Variants in ANK2 observed in about 807,000 individuals in gnomAD.
The protein encoded by ANK2 is ankyrin 2.
A neutral mutation model predicts 360.5 loss-of-function variants in ANK2; 83 were observed. The ratio of observed to expected loss-of-function variants is 0.23; its 90% CI spans 0.19 to 0.28. The LOEUF (loss-of-function observed/expected upper bound fraction) is 0.28, where lower values mean the gene tolerates loss of function less well. Ranked by LOEUF, ANK2 falls within the 10% of genes least tolerant of loss-of-function variation. ANK2 has a pLI of 1.00. For synonymous variants in ANK2, 1,740 were observed against 1,759.5 expected (o/e 0.99, Z 0.28); for missense variants, 4,201 against 4,795.7 (o/e 0.88, Z 3.66).
intron 17 of ANK2, among the ~76,000 whole-genome samples, 162 bp downstream of exon 17, chr4:113,278,720 G>T (rs2061174109): frequency 6.6e-6 from 1 of 152,122 alleles, no homozygotes; most frequent in African/African-American, 2.4e-5. Context: ...ATTTCTGCCA[G>T]TTGCGTCTTG....
At chr4:113,333,516 G>A (rs560245814) in intron 29 of ANK2, among the ~76,000 whole-genome samples, 9 of 152,132 alleles carry the variant, frequency 5.9e-5, no homozygotes, top group South Asian at 2.1e-4. Flanking sequence ...TTTTTGAGCC[G>A]AAAATGAGAT....
intron 2 of ANK2, among the ~76,000 whole-genome samples, chr4:112,934,299 G>A (rs1461057959): frequency 6.6e-6 from 1 of 152,200 alleles, no homozygotes; most frequent in African/African-American, 2.4e-5. Flanking sequence ...GCAGAGCCGT[G>A]CTAAGGTGTT....
chr4:113,138,081 G>T (rs1433426480), intron 1 of ANK2, among the ~76,000 whole-genome samples: 1 of 151,990 alleles, frequency 6.6e-6, no homozygotes, highest in Non-Finnish European at 1.5e-5. Context: ...CATATTCAGG[G>T]TATTTATTTC....
In ANK2 at chr4:112,833,605, G is replaced by A. The variant is rs571127999; in HGVS notation, c.-40+15341G>A. Among the ~76,000 whole-genome samples, 7 of 151,632 alleles carry A rather than the reference G, an allele frequency of 4.6e-5. No homozygotes were observed. The South Asian group carries it at 1.5e-3, about 32-fold the overall frequency. ...TGCAAGCTCCGCCTCCCGGGTTCAC[G>A]CCATTCTCCTTGCTCAGCCTCCCCA... On this transcript the variant is annotated intron_variant, in intron 1 of 30. Coordinates refer to the ANK2 transcript ENST00000503271.
rs34948422 is a variant in ANK2, at chr4:113,021,539, A to ACACACACACACACAC, written c.21+117025_21+117026insCACACACACACACAC. On this transcript the variant is annotated intron_variant, in intron 2 of 30. Transcript: ENST00000503271. Reference sequence around the variant, plus strand: ...ATATACACACACACACCCACACACAAACATATATATATATATATATATATA... The same window carrying ACACACACACACACAC: ...ATATACACACACACACCCACACACAACACACACACACACACACATATATATATATATATATATATA... Among the ~76,000 whole-genome samples, 88 of 108,684 alleles carry ACACACACACACACAC rather than the reference A, an allele frequency of 8.1e-4. 2 individuals carry two copies. Among genetic ancestry groups the ACACACACACACACAC allele is most frequent in the Middle Eastern group, 4.8e-3 (1 of 210 alleles). 71.3% of individuals were successfully genotyped at this position (108,684 alleles called of 152,430 possible). A position where few individuals can be genotyped will look rare whatever the true frequency, so the allele number is the denominator to read the frequency against.
At chr4:113,205,862 G>T (rs116663653) in intron 4 of ANK2, among the ~76,000 whole-genome samples, 4,235 of 152,230 alleles carry the variant, frequency 0.028, 94 homozygotes, top group East Asian at 0.067. Context: ...TATGGTCTTA[G>T]AGCCATCCTT....
the ANK2 span, among the ~76,000 whole-genome samples, chr4:112,724,064 C>CTT: frequency 2.0e-4 from 27 of 135,120 alleles, no homozygotes; most frequent in Admixed American, 3.0e-4. Flanking sequence ...CAGGAAAAAT[C>CTT]TTTTTTTTTT....
intron 2 of ANK2, among the ~76,000 whole-genome samples, chr4:113,041,444 T>G (rs2062930064): frequency 6.6e-6 from 1 of 152,068 alleles, no homozygotes; most frequent in Non-Finnish European, 1.5e-5. Context: ...ATGGGCTCAG[T>G]TTGGTGGTCA....
At chr4:112,950,522 T>G (rs1490090468) in intron 2 of ANK2, among the ~76,000 whole-genome samples, 1 of 151,542 alleles carries the variant, frequency 6.6e-6, no homozygotes, top group Admixed American at 6.6e-5. Flanking sequence ...CATGCACCTG[T>G]AGCCCCAGCT....
At chr4:113,099,354 A>G (rs946516302) in intron 1 of ANK2, among the ~76,000 whole-genome samples, 1 of 151,982 alleles carries the variant, frequency 6.6e-6, no homozygotes, top group East Asian at 1.9e-4. Flanking sequence ...CTGATTTCCT[A>G]TATACCATCA....
intron 17 of ANK2, among the ~76,000 whole-genome samples, chr4:113,280,531 A>G (rs541195343): frequency 2.6e-5 from 4 of 152,274 alleles, no homozygotes; most frequent in African/African-American, 7.2e-5. Context: ...TCCAGATGGT[A>G]AGATCCCCAC....
intron 14 of ANK2, among the ~76,000 whole-genome samples, chr4:113,272,004 G>A (rs2058717697): frequency 6.6e-6 from 1 of 152,210 alleles, no homozygotes; most frequent in South Asian, 2.1e-4. Context: ...ACAGGGCTTG[G>A]CATTTGCTTT....
intron 2 of ANK2, among the ~76,000 whole-genome samples, chr4:113,012,117 A>G (rs2054942105): frequency 1.3e-5 from 2 of 152,248 alleles, no homozygotes; most frequent in Admixed American, 1.3e-4. Context: ...CAGAAACTGC[A>G]TGTATATAGA....
chr4:113,269,242 A>G (rs1448741306), intron 14 of ANK2, among the ~76,000 whole-genome samples: 1 of 152,120 alleles, frequency 6.6e-6, no homozygotes, highest in Non-Finnish European at 1.5e-5. Context: ...GAGCTAGACC[A>G]CTTGGCTTCC....
At chr4:112,890,555 G>GTT (rs1383564163) in intron 1 of ANK2, among the ~76,000 whole-genome samples, 2 of 104,600 alleles carry the variant, frequency 1.9e-5, no homozygotes, top group Non-Finnish European at 3.8e-5. Flanking sequence ...ACATTTCTGT[G>GTT]GTTTTTTTTT....
chr4:112,782,430 A>C, the ANK2 span, among the ~76,000 whole-genome samples: 7 of 152,226 alleles, frequency 4.6e-5, no homozygotes, highest in Non-Finnish European at 1.0e-4. Flanking sequence ...ACAAACAGCT[A>C]TACAAACAAT....
intron 4 of ANK2, among the ~76,000 whole-genome samples, chr4:113,215,365 T>C (rs1460047658): frequency 1.3e-5 from 2 of 152,196 alleles, no homozygotes; most frequent in Non-Finnish European, 2.9e-5. Flanking sequence ...AGTACACTTA[T>C]AATGCATGTA....
chr4:113,231,304 G>A (rs113710736), intron 4 of ANK2, among the ~76,000 whole-genome samples: 7,346 of 151,630 alleles, frequency 0.048, 243 homozygotes, highest in Middle Eastern at 0.14. Flanking sequence ...CACCCACCTC[G>A]ACCTCCCAAA....
chr4:112,809,545 A>G, the ANK2 span, among the ~76,000 whole-genome samples: 1 of 114,538 alleles, frequency 8.7e-6, no homozygotes, highest in Admixed American at 9.8e-5. Flanking sequence ...TGGGCGACAG[A>G]GCAAGACTCC....
Sources: gnomAD v4.1 joint callset for allele counts (sites outside exome capture counted in the v4.1 genomes callset) on GRCh38, gnomAD v4.1.1 for gene constraint, MANE v1.5 for transcripts, NCBI Gene and HGNC (gene_info 2026-07-23, HGNC 2026-07-21) for gene names.